The following MKS1 variants were observed in gnomAD, a reference collection of about 807,000 sequenced individuals.
The protein encoded by MKS1 is tectonic-like complex member MKS1.
In MKS1, 70 loss-of-function variants were observed where a neutral mutation model predicts 83.7. The ratio of observed to expected loss-of-function variants is 0.84; its 90% CI spans 0.69 to 1.02. MKS1 has a LOEUF of 1.02. MKS1 is among the 50% of genes least tolerant of loss of function. The pLI, the probability that MKS1 is intolerant of heterozygous loss-of-function variation, is 0.00. For missense variants in MKS1, 681 were observed against 726.9 expected, an observed-to-expected ratio of 0.94 and a Z score of 0.73; for synonymous variants, 251 against 273.4, an observed-to-expected ratio of 0.92 and a Z score of 0.81.
Position 58,212,892 on chromosome 17 carries a change from C to T in MKS1, c.858+90G>A, listed in dbSNP as rs115496661. ...GGGCCATGAAGGGCAAGGCTTTTCC[C>T]GAGCAACTGCTGACATCAAGTTCAG... On this transcript the variant is annotated intron_variant, in intron 8 of 17. Transcript: ENST00000393119. The T allele has an allele frequency of 3.6e-3, 4,745 of 1,319,492 alleles. 129 individuals are homozygous for T. The African/African-American group carries it at 0.059, about 16-fold the overall frequency. 81.7% of individuals were successfully genotyped at this position (1,319,492 alleles called of 1,614,324 possible). A position where few individuals can be genotyped will look rare whatever the true frequency, so the allele number is the denominator to read the frequency against.
chr17:58,212,512 A>G, intron 8 of MKS1, 78 bp from the exon 9 acceptor site: 1 of 1,493,242 alleles, frequency 6.7e-7, no homozygotes, highest in Non-Finnish European at 9.3e-7. Context: ...GGAAGAAGAA[A>G]AGCAATAGTG....
In MKS1 at chr17:58,210,938, C is replaced by T. The variant is rs1383843306; in HGVS notation, c.958+42G>A. 7 of 1,601,494 alleles carry T rather than the reference C, an allele frequency of 4.4e-6. No homozygotes were observed. The Admixed American group carries it at 6.7e-5, about 15-fold the overall frequency. On this transcript the variant is annotated intron_variant, in intron 10 of 17. Transcript: ENST00000393119. ...GACTATTCACAGCTCCATCTAGGCA[C>T]GTGCCTAAGCATCAAGAGATCTATG...
chr17:58,215,966 A>C, intron 4 of MKS1, 122 bp downstream of exon 4: 2 of 1,209,328 alleles, frequency 1.7e-6, no homozygotes, highest in Non-Finnish European at 2.4e-6. Flanking sequence ...AGCTCACAGC[A>C]GTTCCTAGAC....
intron 7 of MKS1, 136 bp from the exon 8 acceptor site, chr17:58,213,226 A>G: frequency 1.2e-6 from 1 of 834,678 alleles, no homozygotes; most frequent in Non-Finnish European, 2.0e-6. Context: ...GGCTGTATTG[A>G]CGACCAGGAG....
At chr17:58,207,317 A>C in intron 14 of MKS1, 99 bp from the exon 15 acceptor site, 1 of 1,536,038 alleles carries the variant, frequency 6.5e-7, no homozygotes. Flanking sequence ...CAGCTAAAAC[A>C]CCTGGTCTGG....
At chr17:58,215,506 A>C (rs1490002847) in intron 4 of MKS1, 2 of 167,348 alleles carry the variant, frequency 1.2e-5, no homozygotes, top group Non-Finnish European at 2.6e-5. Flanking sequence ...CCTTGCAGAG[A>C]CCTACAGAGT....
At chr17:58,206,834 G>C in intron 15 of MKS1, 1 of 634,858 alleles carries the variant, frequency 1.6e-6, no homozygotes, top group Non-Finnish European at 2.7e-6. Context: ...ATGGGGGAAA[G>C]AGCCAGTTAT....
intron 13 of MKS1, 52 bp from the exon 14 acceptor site, chr17:58,208,053 C>T: frequency 6.2e-7 from 1 of 1,607,864 alleles, no homozygotes; most frequent in Non-Finnish European, 8.5e-7. Flanking sequence ...CACCAAGAGA[C>T]AGCACTGCTT....
At chr17:58,217,829 A>G (rs1279158354) in intron 2 of MKS1, among the ~76,000 whole-genome samples, 1 of 152,100 alleles carries the variant, frequency 6.6e-6, no homozygotes, top group Admixed American at 6.6e-5. Context: ...AACAAAAACA[A>G]AGAAAACAAA....
rs890302424 is a variant in MKS1, at chr17:58,209,186, G to A, written c.1025-603C>T. Reference sequence around the variant, plus strand: ...TCTCAATGGTCGCTGTCTCTTCGGAGCTGTTGGGTACACCTCCCAGATGGG... The same window carrying A: ...TCTCAATGGTCGCTGTCTCTTCGGAACTGTTGGGTACACCTCCCAGATGGG... On this transcript the variant is annotated intron_variant, in intron 11 of 17. Transcript: ENST00000393119. This position sits in a 1 kb window ranked among gnomAD's most constrained non-coding sequence, Gnocchi z 4.1. 6.6e-6 allele frequency among the ~76,000 whole-genome samples: 1 copy of A among 152,138 alleles called. No individual in the cohort carries two copies. The highest frequency in any genetic ancestry group is 1.5e-5 in the Non-Finnish European group (1 of 68,040).
intron 10 of MKS1, 58 bp from the exon 11 acceptor site, chr17:58,210,782 A>C (rs1968827333): frequency 6.4e-7 from 1 of 1,561,288 alleles, no homozygotes; most frequent in Admixed American, 1.7e-5. Context: ...TTAGCACCCA[A>C]CCCAATCCTG....
intron 12 of MKS1, 48 bp from the exon 13 acceptor site, chr17:58,208,222 G>C (rs754093078): frequency 1.3e-6 from 2 of 1,491,496 alleles, no homozygotes; most frequent in Non-Finnish European, 1.9e-6. Flanking sequence ...CTTGGAATCT[G>C]TTCTCCTTGT....
chr17:58,211,419 A>T (rs1349122564), intron 9 of MKS1, among the ~76,000 whole-genome samples: 3 of 152,226 alleles, frequency 2.0e-5, no homozygotes, highest in Non-Finnish European at 4.4e-5. Context: ...TCTGTTGCTT[A>T]TGCAATATGG....
At chr17:58,216,602 A>G (rs1567806005) in intron 3 of MKS1, 64 bp downstream of exon 3, 2 of 1,542,116 alleles carry the variant, frequency 1.3e-6, no homozygotes, top group Admixed American at 1.7e-5. Context: ...GGCAATATGT[A>G]TCACCAGCCA....
chr17:58,206,794 C>T (rs1239260999), intron 15 of MKS1: 16 of 632,200 alleles, frequency 2.5e-5, no homozygotes, highest in Non-Finnish European at 4.4e-5. Flanking sequence ...TGTGAATCCT[C>T]CCCACATCTG....
intron 2 of MKS1, among the ~76,000 whole-genome samples, chr17:58,217,833 A>G (rs1969315182): frequency 6.6e-6 from 1 of 152,172 alleles, no homozygotes; most frequent in African/African-American, 2.4e-5. Context: ...AAAACAAAGA[A>G]AACAAATCTA....
At chr17:58,212,931 T>A in intron 8 of MKS1, 51 bp downstream of exon 8, 1 of 1,563,222 alleles carries the variant, frequency 6.4e-7, no homozygotes, top group Admixed American at 1.7e-5. Context: ...TGGTCTCAGC[T>A]CCAGGCACTG....
At chr17:58,213,585 G>A (rs1470473422) in intron 7 of MKS1, among the ~76,000 whole-genome samples, 180 bp downstream of exon 7, 1 of 152,214 alleles carries the variant, frequency 6.6e-6, no homozygotes, top group Non-Finnish European at 1.5e-5. Flanking sequence ...CACATTTTCT[G>A]AGAAAGGAGT....
In MKS1 at chr17:58,206,068, G is replaced by A. The variant is rs763587314; in HGVS notation, c.*11C>T. 2.5e-6 allele frequency: 4 copies of A among 1,605,504 alleles called. No individual in the cohort carries two copies. Among genetic ancestry groups the A allele is most frequent in the Admixed American group, 1.7e-5 (1 of 58,686 alleles). On this transcript the variant is annotated 3_prime_UTR_variant, in exon 18 of 18. Coordinates refer to ENST00000393119, the MANE Select transcript of MKS1 (RefSeq NM_017777.4). ...TTGTCCTCTTGCACTGTGGGCCAGG[G>A]CTGCTGTGAGCTAGGAGACCAGGGT...
Sources: allele counts gnomAD v4.1 joint callset (sites outside exome capture counted in the v4.1 genomes callset), GRCh38; gene constraint gnomAD v4.1.1; non-coding constraint Gnocchi (gnomAD v3.1); transcripts MANE v1.5; gene names NCBI Gene and HGNC (gene_info 2026-07-23, HGNC 2026-07-21).